Variants in C1QL3 observed in about 807,000 individuals in gnomAD.
The protein encoded by C1QL3 is complement C1q-like protein 3.
In C1QL3, 4 loss-of-function variants were observed where a neutral mutation model predicts 16.6. The ratio of observed to expected loss-of-function variants is 0.24; its 90% CI spans 0.12 to 0.55. The LOEUF is 0.55. C1QL3 is among the 20% of genes least tolerant of loss of function. The probability of loss-of-function intolerance (pLI) is 0.94; values close to 1 mark genes in which losing one functional copy is unlikely to be tolerated. For missense variants in C1QL3, 269 were observed against 365.6 expected, an observed-to-expected ratio of 0.74 and a Z score of 2.16; for synonymous variants, 189 against 160.2, an observed-to-expected ratio of 1.18 and a Z score of -1.36.
chr10:16,519,860 T>A (rs1253643588), intron 1 of C1QL3, among the ~76,000 whole-genome samples: 1 of 152,182 alleles, frequency 6.6e-6, no homozygotes, highest in Non-Finnish European at 1.5e-5. Flanking sequence ...ATTTTTTGGC[T>A]GAAGACGAAA....
At chr10:16,515,338 A>G (rs1163955635) in intron 1 of C1QL3, among the ~76,000 whole-genome samples, 1 of 151,838 alleles carries the variant, frequency 6.6e-6, no homozygotes, top group Non-Finnish European at 1.5e-5. Context: ...ATCTTTGATT[A>G]TATCACCTGA....
Position 16,521,142 on chromosome 10 carries a change from T to G in C1QL3, c.-77A>C. The G allele has an allele frequency of 7.5e-7, 1 of 1,338,932 alleles. No individual in the cohort carries two copies. The highest frequency in any genetic ancestry group is 1.3e-5 in the South Asian group (1 of 78,472). The allele number at this position is 1,338,932 out of a possible 1,614,324, so 82.9% of individuals were successfully genotyped here. On this transcript the variant is annotated 5_prime_UTR_variant, in exon 1 of 2. Transcript: ENST00000298943. ...CCGGCTCAGCGCGGGGCGATCCTCT[T>G]GTCTGCTTTTGGACAGAATTTTGAA...
chr10:16,518,843 T>C (rs1836991555), intron 1 of C1QL3, among the ~76,000 whole-genome samples: 1 of 152,144 alleles, frequency 6.6e-6, no homozygotes, highest in Non-Finnish European at 1.5e-5. Context: ...GGCTGCCTGC[T>C]GAGGGACTGT....
chr10:16,520,862 C>T lies in C1QL3; in HGVS notation c.204G>A (p.Arg68=). 1 of 1,456,274 alleles carries T rather than the reference C, an allele frequency of 6.9e-7. No individual in the cohort carries two copies. Among genetic ancestry groups the T allele is most frequent in the Non-Finnish European group, 9.0e-7 (1 of 1,107,692 alleles). 90.2% of individuals were successfully genotyped at this position (1,456,274 alleles called of 1,614,324 possible). A position where few individuals can be genotyped will look rare whatever the true frequency, so the allele number is the denominator to read the frequency against. Residue 68 remains arginine (R), a synonymous_variant, in exon 1 of 2, where the codon AGG becomes AGA. Transcript: ENST00000298943. This position sits in a 1 kb window ranked among gnomAD's most constrained non-coding sequence, Gnocchi z 8.3. ...FIQGPKGEAG[R]PGKAGPRGPP... is the part of the protein sequence containing the mutation. ...GCCCGCGCGGACCCGCCTTCCCGGGCCTGCCGGCCTCGCCTTTGGGGCCCT... is the reference window on the plus strand; with the variant it reads ...GCCCGCGCGGACCCGCCTTCCCGGGTCTGCCGGCCTCGCCTTTGGGGCCCT...
rs1159681664 is a variant in C1QL3, at chr10:16,520,301, C to T, written c.588+177G>A. On this transcript the variant is annotated intron_variant, in intron 1 of 1. Coordinates refer to ENST00000298943, the MANE Select transcript of C1QL3 (RefSeq NM_001010908.2). This position sits in a 1 kb window ranked among gnomAD's most constrained non-coding sequence, Gnocchi z 8.3. ...CCAGGCCGCGGGGCGCCCTCCTGCG[C>T]GCACGACCCCCGCCTCTCCAGGGTG... 6.6e-6 allele frequency among the ~76,000 whole-genome samples: 1 copy of T among 151,914 alleles called. No individual in the cohort carries two copies. Among genetic ancestry groups the T allele is most frequent in the East Asian group, 2.0e-4 (1 of 5,070 alleles).
chr10:16,514,660 A>G lies in C1QL3; in HGVS notation c.636T>C (p.Tyr212=). The change falls in exon 2 of 2, where the codon TAT becomes TAC. Residue 212 remains tyrosine, a synonymous_variant. Transcript: ENST00000298943. Reference sequence around the variant, plus strand: ...AATGAAGAACCACACTGTTACTGGCATAGTCGTAATTCTGATCAGCATCTT... The same window carrying G: ...AATGAAGAACCACACTGTTACTGGCGTAGTCGTAATTCTGATCAGCATCTT... ...IAQDADQNYD[Y]ASNSVVLHLE... 6.2e-7 allele frequency: 1 copy of G among 1,613,916 alleles called. No individual in the cohort carries two copies. The highest frequency in any genetic ancestry group is 1.3e-5 in the African/African-American group (1 of 75,052).
At position 16,520,445 on chromosome 10, in the gene C1QL3, T is replaced by TCCCCCCCC; in HGVS notation, c.588+32_588+33insGGGGGGGG. The TCCCCCCCC allele has an allele frequency of 3.8e-6, 2 of 527,494 alleles. No homozygotes were observed. Among genetic ancestry groups the TCCCCCCCC allele is most frequent in the Non-Finnish European group, 3.2e-6 (1 of 309,180 alleles). 32.7% of individuals were successfully genotyped at this position (527,494 alleles called of 1,614,324 possible). A position where few individuals can be genotyped will look rare whatever the true frequency, so the allele number is the denominator to read the frequency against. On this transcript the variant is annotated intron_variant, in intron 1 of 1. Transcript: ENST00000298943. This position sits in a 1 kb window ranked among gnomAD's most constrained non-coding sequence, Gnocchi z 8.3. ...CTCGCCCGCACCTTCCCGCGCTCCCTCCCCGCCCTCCCCGCCGCCCGCCCG... is the reference window on the plus strand; with the variant it reads ...CTCGCCCGCACCTTCCCGCGCTCCCTCCCCCCCCCCCCGCCCTCCCCGCCGCCCGCCCG...
rs567187339 is a variant in C1QL3, at chr10:16,519,140, C to CTTTTTTTTTTTTTT, written c.588+1324_588+1337dup. Among the ~76,000 whole-genome samples, 62 of 39,452 alleles carry CTTTTTTTTTTTTTT rather than the reference C, an allele frequency of 1.6e-3. 10 individuals carry two copies. The highest frequency in any genetic ancestry group is 4.3e-3 in the African/African-American group (28 of 6,458). 25.9% of individuals were successfully genotyped at this position (39,452 alleles called of 152,430 possible). On this transcript the variant is annotated intron_variant, in intron 1 of 1. Transcript: ENST00000298943. ...TTTTTTCTCTCTTACGCATTTAGGACTTTTTTTTTTTTTTTTTTGGTCTTT... is the reference window on the plus strand; with the variant it reads ...TTTTTTCTCTCTTACGCATTTAGGACTTTTTTTTTTTTTTTTTTTTTTTTTTTTTTTTGGTCTTT...
intron 1 of C1QL3, among the ~76,000 whole-genome samples, chr10:16,516,966 G>A (rs910020324): frequency 3.3e-5 from 5 of 152,156 alleles, no homozygotes; most frequent in Non-Finnish European, 7.4e-5. Context: ...CATGATTTTG[G>A]TATGGCTGCT....
In C1QL3 at chr10:16,514,469, A is replaced by G; in HGVS notation, c.*59T>C. The G allele has an allele frequency of 6.9e-7, 1 of 1,458,538 alleles. No homozygotes were observed. The highest frequency in any genetic ancestry group is 1.4e-5 in the African/African-American group (1 of 71,492). The allele number at this position is 1,458,538 out of a possible 1,614,324, so 90.3% of individuals were successfully genotyped here. A position where few individuals can be genotyped will look rare whatever the true frequency, so the allele number is the denominator to read the frequency against. ...ATCCCCTGGGATCCTTGATTCACTG[A>G]CGTTAGCCATACGAATCCAGTGTTC... On this transcript the variant is annotated 3_prime_UTR_variant, in exon 2 of 2. Coordinates refer to ENST00000298943, the MANE Select transcript of C1QL3 (RefSeq NM_001010908.2).
Position 16,514,543 on chromosome 10 carries a change from A to G in C1QL3, c.753T>C (p.Ile251=). The G allele has an allele frequency of 2.5e-6, 4 of 1,613,600 alleles. No homozygotes were observed. The highest frequency in any genetic ancestry group is 3.4e-6 in the Non-Finnish European group (4 of 1,179,652). Residue 251 remains isoleucine (I), a synonymous_variant, in exon 2 of 2, where the codon ATT becomes ATC. Coordinates refer to ENST00000298943, the MANE Select transcript of C1QL3 (RefSeq NM_001010908.2). ...NNKYSTFSGF[I]IYAD is the part of the protein sequence containing the mutation. ...TTCTGCATTATCAGTCAGCATAAATAATAAATCCAGAAAACGTGCTGTATT... is the reference window on the plus strand; with the variant it reads ...TTCTGCATTATCAGTCAGCATAAATGATAAATCCAGAAAACGTGCTGTATT...
In C1QL3 at chr10:16,520,441, T is replaced by TCCCAACC; in HGVS notation, c.588+36_588+37insGGTTGGG. ...CCCTCTCGCCCGCACCTTCCCGCGC[T>TCCCAACC]CCCTCCCCGCCCTCCCCGCCGCCCG... is the stretch of plus-strand genomic sequence containing the variant. On this transcript the variant is annotated intron_variant, in intron 1 of 1. Transcript: ENST00000298943. The surrounding 1 kb of genome is among the most constrained non-coding windows in gnomAD (Gnocchi z 8.3). 1 of 1,227,532 alleles carries TCCCAACC rather than the reference T, an allele frequency of 8.1e-7. No homozygotes were observed. Among genetic ancestry groups the TCCCAACC allele is most frequent in the South Asian group, 1.4e-5 (1 of 69,766 alleles). 76.0% of individuals were successfully genotyped at this position (1,227,532 alleles called of 1,614,324 possible). A position where few individuals can be genotyped will look rare whatever the true frequency, so the allele number is the denominator to read the frequency against.
Position 16,514,612 on chromosome 10 carries a change from A to G in C1QL3, c.684T>C (p.Tyr228=). The change falls in exon 2 of 2, where the codon TAT becomes TAC. Residue 228 remains tyrosine (Y), a synonymous_variant. Coordinates refer to ENST00000298943, the MANE Select transcript of C1QL3 (RefSeq NM_001010908.2). ...VLHLEPGDEV[Y]IKLDGGKAHG... ...GGGCTTTCCCGCCATCTAATTTGAT[A>G]TAGACTTCATCTCCCGGCTCCAAAT... 6.2e-7 allele frequency: 1 copy of G among 1,613,904 alleles called. No individual in the cohort carries two copies. Among genetic ancestry groups the G allele is most frequent in the Non-Finnish European group, 8.5e-7 (1 of 1,179,764 alleles).
In C1QL3 at chr10:16,514,384, G is replaced by A. The variant is rs924377928; in HGVS notation, c.*144C>T. ...CATAATGTTTCTGAGTGATACAGAT[G>A]TGAGTCAGGTAGCATTTGATTTCCC... is the stretch of plus-strand genomic sequence containing the variant. On this transcript the variant is annotated 3_prime_UTR_variant, in exon 2 of 2. Transcript: ENST00000298943. 9.2e-6 allele frequency: 6 copies of A among 651,252 alleles called. No homozygotes were observed. Among genetic ancestry groups the A allele is most frequent in the Non-Finnish European group, 1.6e-5 (6 of 369,848 alleles). The allele number at this position is 651,252 out of a possible 1,614,324, so 40.3% of individuals were successfully genotyped here.
rs995273594 is a variant in C1QL3 at position 16,513,932 on chromosome 10, A to C, written c.*596T>G. 108 of 183,190 alleles carry C rather than the reference A, an allele frequency of 5.9e-4. No individual in the cohort carries two copies. The highest frequency in any genetic ancestry group is 2.4e-3 in the African/African-American group (105 of 43,024). The allele number at this position is 183,190 out of a possible 1,614,324, so 11.3% of individuals were successfully genotyped here. A position where few individuals can be genotyped will look rare whatever the true frequency, so the allele number is the denominator to read the frequency against. ...AAAAAGAAAATGTGAAAAAGATCAT[A>C]GGCTTGGGAATTCCCTCAAATCCAG... On this transcript the variant is annotated 3_prime_UTR_variant, in exon 2 of 2. Transcript: ENST00000298943.
Position 16,520,924 on chromosome 10 carries a change from C to T in C1QL3, c.142G>A (p.Asp48Asn). 6.4e-7 allele frequency: 1 copy of T among 1,564,022 alleles called. No homozygotes were observed. The highest frequency in any genetic ancestry group is 8.6e-7 in the Non-Finnish European group (1 of 1,163,516). ...GGCAGGGACTGCATGAGGCCGCGGT[C>T]GGGCGTGGCAGCGGTGCTGGGCGCC... is the stretch of plus-strand genomic sequence containing the variant. Reference protein sequence around the residue: ...TKAPSTAATPDRGLMQSLPTF... With the variant: ...TKAPSTAATPNRGLMQSLPTF... The change falls in exon 1 of 2, where the codon GAC (aspartate) becomes AAC (asparagine). Residue 48 changes from aspartate to asparagine, a missense_variant. Asp to Asn is a conservative substitution (Grantham distance 23). Coordinates refer to ENST00000298943, the MANE Select transcript of C1QL3 (RefSeq NM_001010908.2). This position sits in a 1 kb window ranked among gnomAD's most constrained non-coding sequence, Gnocchi z 8.3.
chr10:16,521,252 C>G lies in C1QL3; in HGVS notation c.-187G>C, dbSNP rs993217364. ...GGCGTGCGTGCGCCGGCCGCTGCTG[C>G]CGACTCCTGCTCCCCCCGCGGAGGC... On this transcript the variant is annotated 5_prime_UTR_variant, in exon 1 of 2. Transcript: ENST00000298943. 5.3e-6 allele frequency: 3 copies of G among 569,186 alleles called. No homozygotes were observed. Among genetic ancestry groups the G allele is most frequent in the Non-Finnish European group, 9.1e-6 (3 of 329,604 alleles). The allele number at this position is 569,186 out of a possible 1,614,324, so 35.3% of individuals were successfully genotyped here.
At position 16,521,750 on chromosome 10, in the gene C1QL3, GC is replaced by G. The variant is rs550610290; in HGVS notation, c.-686del. On this transcript the variant is annotated 5_prime_UTR_variant, in exon 1 of 2. Transcript: ENST00000298943. Reference sequence around the variant, plus strand: ...GCGGCGGCGGCGGCGGGCACGGTCGGCACGGCGAGGCTCAGAGCTGGGGCGG... The same window carrying G: ...GCGGCGGCGGCGGCGGGCACGGTCGGACGGCGAGGCTCAGAGCTGGGGCGG... The G allele has an allele frequency of 4.2e-4, 65 of 153,630 alleles. 1 individual carries two copies. Among genetic ancestry groups the G allele is most frequent in the African/African-American group, 1.5e-3 (64 of 41,558 alleles). 9.5% of individuals were successfully genotyped at this position (153,630 alleles called of 1,614,324 possible). A position where few individuals can be genotyped will look rare whatever the true frequency, so the allele number is the denominator to read the frequency against.
intron 1 of C1QL3, among the ~76,000 whole-genome samples, chr10:16,515,477 T>C (rs1836936093): frequency 6.6e-6 from 1 of 152,174 alleles, no homozygotes; most frequent in African/African-American, 2.4e-5. Context: ...CTCTGAGGCC[T>C]CTCAAGTTTC....
Sources: allele counts gnomAD v4.1 joint callset (sites outside exome capture counted in the v4.1 genomes callset), GRCh38; gene constraint gnomAD v4.1.1; non-coding constraint Gnocchi (gnomAD v3.1); transcripts MANE v1.5; gene names NCBI Gene and HGNC (gene_info 2026-07-23, HGNC 2026-07-21).